C1orf159: variants seen among roughly 807,000 people sequenced by gnomAD.
C1orf159 encodes the protein uncharacterized protein C1orf159.
C1orf159 carries 19 observed loss-of-function variants against 25.6 expected under a neutral mutation model. That is an observed-to-expected ratio of 0.74 (90% CI 0.52 to 1.09). The LOEUF (loss-of-function observed/expected upper bound fraction) is 1.09, where lower values mean the gene tolerates loss of function less well. Ranked by LOEUF, C1orf159 falls within the 50% of genes least tolerant of loss-of-function variation. C1orf159 has a pLI of 0.00. For missense variants in C1orf159, 274 were observed against 290.6 expected (o/e 0.94, Z 0.42); for synonymous variants, 139 against 124.7 (o/e 1.12, Z -0.77).
chr1:1,107,742 G>A (rs890308416), intron 1 of C1orf159, among the ~76,000 whole-genome samples: 5 of 152,078 alleles, frequency 3.3e-5, no homozygotes, highest in African/African-American at 7.2e-5. Context: ...CAACCCACTC[G>A]GGTCCCCTTC....
intron 1 of C1orf159, among the ~76,000 whole-genome samples, chr1:1,099,004 T>C (rs1324545795): frequency 7.6e-6 from 1 of 131,528 alleles, no homozygotes; most frequent in African/African-American, 3.3e-5. Context: ...GTTTGGTTTA[T>C]TGTTCCAAGA....
At position 1,085,817 on chromosome 1, in the gene C1orf159, C is replaced by T. The variant is rs2100741586; in HGVS notation, c.445+61G>A. 3 of 1,593,420 alleles carry T rather than the reference C, an allele frequency of 1.9e-6. No homozygotes were observed. In the East Asian group the frequency reaches 6.8e-5, roughly 36 times the overall value. ...GACACTCCAGTCTCAGGCCCATCTC[C>T]ACGGCTGGATGCCGCCTGCCCTGTG... On this transcript the variant is annotated intron_variant, in intron 7 of 9. Coordinates refer to ENST00000421241, the MANE Select transcript of C1orf159 (RefSeq NM_017891.5).
At position 1,084,523 on chromosome 1, in the gene C1orf159, G is replaced by C. The variant is rs746854920; in HGVS notation, c.446-17C>G. On this transcript the variant is annotated splice_polypyrimidine_tract_variant and intron_variant, in intron 7 of 9. Coordinates refer to ENST00000421241, the MANE Select transcript of C1orf159 (RefSeq NM_017891.5). Reference sequence around the variant, plus strand: ...GGGCCGGAGCTGTGGGGGAGAAAGCGGAGAGTCACCCTGGAGCCCAGGAGC... The same window carrying C: ...GGGCCGGAGCTGTGGGGGAGAAAGCCGAGAGTCACCCTGGAGCCCAGGAGC... 2 of 1,551,412 alleles carry C rather than the reference G, an allele frequency of 1.3e-6. No homozygotes were observed. The highest frequency in any genetic ancestry group is 1.7e-6 in the Non-Finnish European group (2 of 1,147,798).
At chr1:1,085,840 G>A (rs769558259) in intron 7 of C1orf159, 38 bp downstream of exon 7, 6 of 1,610,216 alleles carry the variant, frequency 3.7e-6, no homozygotes, top group African/African-American at 1.3e-5. Context: ...CGCCTGCCCT[G>A]TGCCCTCCCG....
In C1orf159 at chr1:1,091,574, G is replaced by T; in HGVS notation, c.-22-9C>A. 1 of 1,543,946 alleles carries T rather than the reference G, an allele frequency of 6.5e-7. No homozygotes were observed. The highest frequency in any genetic ancestry group is 1.2e-5 in the South Asian group (1 of 83,850). Reference sequence around the variant, plus strand: ...GAGCAGATGCGCAGAGCCTGCCACAGGGAGGAGCATGCGGAGCCAAAGAGA... The same window carrying T: ...GAGCAGATGCGCAGAGCCTGCCACATGGAGGAGCATGCGGAGCCAAAGAGA... On this transcript the variant is annotated splice_polypyrimidine_tract_variant and intron_variant, in intron 2 of 9. Coordinates refer to ENST00000421241, the MANE Select transcript of C1orf159 (RefSeq NM_017891.5).
chr1:1,096,120 A>C (rs185469573), intron 1 of C1orf159, among the ~76,000 whole-genome samples: 1 of 152,200 alleles, frequency 6.6e-6, no homozygotes, highest in African/African-American at 2.4e-5. Flanking sequence ...ATAGTGGTCT[A>C]TAATTTTTTT....
intron 3 of C1orf159, chr1:1,090,979 G>T: frequency 1.3e-6 from 2 of 1,549,772 alleles, no homozygotes; most frequent in Non-Finnish European, 1.7e-6. Flanking sequence ...GCTGTTTCTC[G>T]TGACCTGAAT....
At position 1,085,910 on chromosome 1, in the gene C1orf159, T is replaced by G; in HGVS notation, c.413A>C (p.Lys138Thr). The change falls in exon 7 of 10, where the codon AAA (lysine) becomes ACA (threonine). Residue 138 changes from lysine (K) to threonine (T), a missense_variant. Transcript: ENST00000421241. ...TCTTCTGTAGCAGGCCCTGGGGAGT[T>G]TACTGGAGCGCTTGAGGTAGAAGAA... The part of the protein sequence containing the change: ...AGFFYLKRSS[K>T]LPRACYRRNK... 2 of 1,613,072 alleles carry G rather than the reference T, an allele frequency of 1.2e-6. No homozygotes were observed. Among genetic ancestry groups the G allele is most frequent in the Non-Finnish European group, 1.7e-6 (2 of 1,179,690 alleles).
At chr1:1,085,158 G>A (rs1363508726) in intron 7 of C1orf159, 1 of 314,078 alleles carries the variant, frequency 3.2e-6, no homozygotes, top group Non-Finnish European at 6.6e-6. Flanking sequence ...GGTTGAGGGG[G>A]ATGGACAGGG....
chr1:1,115,274 C>G (rs1186384495), intron 1 of C1orf159, among the ~76,000 whole-genome samples: 1 of 151,972 alleles, frequency 6.6e-6, no homozygotes, highest in Non-Finnish European at 1.5e-5. Context: ...GCCACCGGAA[C>G]ACGCGCTCCC....
intron 1 of C1orf159, among the ~76,000 whole-genome samples, chr1:1,101,068 C>T (rs1273512577): frequency 1.3e-5 from 2 of 152,174 alleles, no homozygotes; most frequent in African/African-American, 4.8e-5. Context: ...TTGATGGTGA[C>T]AAATTTTATC....
At chr1:1,085,547 C>T (rs1645815018) in intron 7 of C1orf159, among the ~76,000 whole-genome samples, 1 of 151,976 alleles carries the variant, frequency 6.6e-6, no homozygotes, top group Non-Finnish European at 1.5e-5. Context: ...AGTCCAACTG[C>T]CGAGAGCCAC....
intron 1 of C1orf159, among the ~76,000 whole-genome samples, chr1:1,099,511 A>G (rs867046897): frequency 0.067 from 5,964 of 89,320 alleles, 546 homozygotes; most frequent in African/African-American, 0.21. Context: ...ATGATTGTGT[A>G]TTGTCTATTG....
intron 8 of C1orf159, 32 bp downstream of exon 8, chr1:1,084,449 G>A (rs1570298942): frequency 6.4e-7 from 1 of 1,574,154 alleles, no homozygotes; most frequent in Non-Finnish European, 8.6e-7. Flanking sequence ...CGCGGCCAGG[G>A]ACGCTCAGCC....
chr1:1,101,869 C>T (rs1457763657), intron 1 of C1orf159, among the ~76,000 whole-genome samples: 1 of 151,792 alleles, frequency 6.6e-6, no homozygotes, highest in African/African-American at 2.4e-5. Flanking sequence ...GTCAGGAGTT[C>T]GAGACTAGCC....
intron 3 of C1orf159, chr1:1,090,921 G>C: frequency 6.4e-7 from 1 of 1,550,410 alleles, no homozygotes; most frequent in South Asian, 1.2e-5. Flanking sequence ...GACTGGACAG[G>C]CCTGGGGGGC....
At chr1:1,090,211 A>G (rs1645905840) in intron 4 of C1orf159, 142 bp downstream of exon 4, 6 of 859,450 alleles carry the variant, frequency 7.0e-6, no homozygotes, top group Non-Finnish European at 1.8e-6. Flanking sequence ...CCCAAGCTCC[A>G]CAGCCCTCAC....
chr1:1,090,270 G>T, intron 4 of C1orf159, 83 bp downstream of exon 4: 1 of 1,366,904 alleles, frequency 7.3e-7, no homozygotes. Flanking sequence ...CACTGTCCTT[G>T]TCACCGAGGG....
At chr1:1,086,807 A>C (rs1645837406) in intron 6 of C1orf159, among the ~76,000 whole-genome samples, 1 of 151,768 alleles carries the variant, frequency 6.6e-6, no homozygotes, top group Non-Finnish European at 1.5e-5. Context: ...TTAAGTGTGA[A>C]CCTAAGAGCG....
Sources: allele counts gnomAD v4.1 joint callset (sites outside exome capture counted in the v4.1 genomes callset), GRCh38; gene constraint gnomAD v4.1.1; transcripts MANE v1.5; gene names NCBI Gene and HGNC (gene_info 2026-07-23, HGNC 2026-07-21).